The following DLC1 variants were observed in gnomAD, a reference collection of about 807,000 sequenced individuals.
DLC1 encodes DLC1 Rho GTPase activating protein.
Under a neutral mutation model 140.3 loss-of-function variants are expected in DLC1, and 54 were observed. The observed-to-expected ratio is 0.38, with a 90% CI of 0.31 to 0.48. The LOEUF is 0.48. Ranked by LOEUF, DLC1 falls within the 20% of genes least tolerant of loss-of-function variation. The pLI, the probability that DLC1 is intolerant of heterozygous loss-of-function variation, is 0.96. For missense variants in DLC1, 2,536 were observed against 1,907.0 expected (o/e 1.33, Z -6.14); for synonymous variants, 986 against 728.1 (o/e 1.35, Z -5.70).
intron 5 of DLC1, among the ~76,000 whole-genome samples, chr8:13,134,750 G>A (rs1411454102): frequency 4.6e-5 from 7 of 152,058 alleles, no homozygotes; most frequent in Admixed American, 4.6e-4. Context: ...CTTGATCCCG[G>A]GAGCTTGAGA....
intron 2 of DLC1, among the ~76,000 whole-genome samples, chr8:13,459,426 T>C (rs1799557193): frequency 6.6e-6 from 1 of 152,234 alleles, no homozygotes; most frequent in African/African-American, 2.4e-5. Flanking sequence ...AAATAAGTTG[T>C]GAAAGAAAGG....
chr8:13,450,344 A>G (rs1426347738), intron 2 of DLC1, among the ~76,000 whole-genome samples: 1 of 150,700 alleles, frequency 6.6e-6, no homozygotes, highest in Non-Finnish European at 1.5e-5. Context: ...AATCCTAGCT[A>G]CTCAGGAAGC....
intron 4 of DLC1, among the ~76,000 whole-genome samples, chr8:13,355,880 C>T (rs556287490): frequency 3.3e-5 from 5 of 151,384 alleles, no homozygotes; most frequent in Admixed American, 6.6e-5. Flanking sequence ...GTCAGGAGAT[C>T]GAGACCATCT....
intron 4 of DLC1, chr8:13,339,763 A>C (rs1004049909): frequency 6.6e-6 from 1 of 152,192 alleles, no homozygotes; most frequent in Non-Finnish European, 1.5e-5. Context: ...TCCAAATTAA[A>C]ATTACTTGTA....
intron 2 of DLC1, among the ~76,000 whole-genome samples, chr8:13,431,757 G>T (rs927011079): frequency 1.3e-5 from 2 of 152,108 alleles, no homozygotes; most frequent in South Asian, 4.1e-4. Context: ...CTATCTGTAG[G>T]GCTTGGGAAA....
chr8:13,412,851 G>C (rs931874601), intron 2 of DLC1, among the ~76,000 whole-genome samples: 2 of 145,894 alleles, frequency 1.4e-5, no homozygotes, highest in Non-Finnish European at 3.0e-5. Context: ...AGAATGGCGT[G>C]AACCCAGGAG....
At chr8:13,568,727 A>G (rs1804543027) in intron 1 of DLC1, among the ~76,000 whole-genome samples, 1 of 152,240 alleles carries the variant, frequency 6.6e-6, no homozygotes, top group Non-Finnish European at 1.5e-5. Context: ...ATAGTGTCAT[A>G]GATGCTAAGG....
chr8:13,580,837 G>C (rs993631718), intron 1 of DLC1, among the ~76,000 whole-genome samples: 3 of 152,290 alleles, frequency 2.0e-5, no homozygotes, highest in Non-Finnish European at 2.9e-5. Context: ...GGCTTTCTGA[G>C]AAAAAGCGGG....
At chr8:13,566,052 C>T (rs910481402) in intron 1 of DLC1, among the ~76,000 whole-genome samples, 14 of 152,180 alleles carry the variant, frequency 9.2e-5, no homozygotes, top group Admixed American at 2.0e-4. Flanking sequence ...TGAACACCTG[C>T]TATGTGTCTG....
At chr8:13,178,617 A>G (rs997516411) in intron 5 of DLC1, among the ~76,000 whole-genome samples, 1 of 149,650 alleles carries the variant, frequency 6.7e-6, no homozygotes, top group Non-Finnish European at 1.5e-5. Flanking sequence ...TAACTTCTAT[A>G]CATCCAAAGA....
chr8:13,411,006 T>A (rs1397004289), intron 2 of DLC1, among the ~76,000 whole-genome samples: 2 of 152,228 alleles, frequency 1.3e-5, no homozygotes, highest in African/African-American at 4.8e-5. Flanking sequence ...CAGAGCTGAT[T>A]CTTGGAAAAC....
intron 2 of DLC1, among the ~76,000 whole-genome samples, chr8:13,440,816 T>G (rs1422798989): frequency 6.6e-6 from 1 of 152,164 alleles, no homozygotes; most frequent in Non-Finnish European, 1.5e-5. Context: ...CATGTTCTCT[T>G]GCTGCTGCCA....
intron 2 of DLC1, among the ~76,000 whole-genome samples, chr8:13,412,433 A>C (rs1837821024): frequency 6.6e-6 from 1 of 152,190 alleles, no homozygotes; most frequent in Admixed American, 6.5e-5. Flanking sequence ...ACGCATGCAA[A>C]GACAGTATAA....
chr8:13,311,887 A>G (rs17192454), intron 4 of DLC1, among the ~76,000 whole-genome samples: 8,187 of 152,172 alleles, frequency 0.054, 276 homozygotes, highest in South Asian at 0.12. Context: ...AAACACTGAC[A>G]TTTAATGTAT....
At chr8:13,576,135 G>A (rs182725184) in intron 1 of DLC1, among the ~76,000 whole-genome samples, 10 of 152,238 alleles carry the variant, frequency 6.6e-5, no homozygotes, top group African/African-American at 1.9e-4. Context: ...CTGGATTAAG[G>A]GATGAAAAGC....
intron 5 of DLC1, among the ~76,000 whole-genome samples, chr8:13,176,627 T>C (rs1290405394): frequency 6.6e-6 from 1 of 152,118 alleles, no homozygotes; most frequent in Non-Finnish European, 1.5e-5. Context: ...AAAAAGGTAG[T>C]CGTGGTAGGT....
intron 1 of DLC1, among the ~76,000 whole-genome samples, chr8:13,532,670 G>T (rs1343953396): frequency 6.6e-6 from 1 of 152,118 alleles, no homozygotes. Flanking sequence ...TGCTCACTGT[G>T]ATCTTGAACT....
At chr8:13,145,284 C>A (rs1823334097) in intron 5 of DLC1, among the ~76,000 whole-genome samples, 1 of 151,806 alleles carries the variant, frequency 6.6e-6, no homozygotes, top group African/African-American at 2.4e-5. Flanking sequence ...AATAAAAAAG[C>A]AAAACAAAGA....
chr8:13,492,125 G>T lies in DLC1; in HGVS notation c.1023+6924C>A, dbSNP rs1450627938. Among the ~76,000 whole-genome samples, 8 of 152,202 alleles carry T rather than the reference G, an allele frequency of 5.3e-5. 1 individual carries two copies. The highest frequency in any genetic ancestry group is 2.0e-4 in the Admixed American group (3 of 15,294). The stretch of plus-strand genomic sequence containing the variant: ...GCAACTAACTTGACTGAGAAAACTG[G>T]GGAAATTAAACACCCCCAAAAAGTA... On this transcript the variant is annotated intron_variant, in intron 2 of 17. Coordinates refer to ENST00000276297, the MANE Select transcript of DLC1 (RefSeq NM_182643.3).
Sources: allele counts gnomAD v4.1 joint callset (sites outside exome capture counted in the v4.1 genomes callset), GRCh38; gene constraint gnomAD v4.1.1; transcripts MANE v1.5; gene names NCBI Gene and HGNC (gene_info 2026-07-23, HGNC 2026-07-21).